The following COL14A1 variants were observed in gnomAD, a reference collection of about 807,000 sequenced individuals.
The protein encoded by COL14A1 is collagen alpha-1(XIV) chain.
In COL14A1, 136 loss-of-function variants were observed where a neutral mutation model predicts 230.3. The ratio of observed to expected loss-of-function variants is 0.59; its 90% confidence interval spans 0.51 to 0.68. The LOEUF (loss-of-function observed/expected upper bound fraction) is 0.68. COL14A1 is among the 30% of genes least tolerant of loss of function. The probability of loss-of-function intolerance (pLI) is 0.00; values close to 1 mark genes in which losing one functional copy is unlikely to be tolerated. For synonymous variants in COL14A1, 792 were observed against 784.1 expected, an observed-to-expected ratio of 1.01 and a Z score of -0.17; for missense variants, 1,976 against 2,215.8, an observed-to-expected ratio of 0.89 and a Z score of 2.17.
chr8:120,220,721 G>A (rs887686048), intron 14 of COL14A1, among the ~76,000 whole-genome samples: 2 of 151,944 alleles, frequency 1.3e-5, no homozygotes, highest in African/African-American at 4.8e-5. Context: ...GAAGAAAAAC[G>A]AAACAAGTAT....
intron 40 of COL14A1, among the ~76,000 whole-genome samples, chr8:120,326,767 C>T (rs534306302): frequency 8.3e-4 from 127 of 152,108 alleles, no homozygotes; most frequent in Non-Finnish European, 1.5e-3. Context: ...GGTTCATGCC[C>T]GTAATCCCAG....
intron 2 of COL14A1, among the ~76,000 whole-genome samples, chr8:120,157,412 A>G (rs1358557656): frequency 2.0e-5 from 3 of 152,220 alleles, no homozygotes; most frequent in Non-Finnish European, 4.4e-5. Flanking sequence ...ACCAAAGTGA[A>G]AAACCTAAGG....
rs539610718 is a variant in COL14A1, at chr8:120,264,802, C to A, written c.3016+1788C>A. On this transcript the variant is annotated intron_variant, in intron 24 of 47. Coordinates refer to ENST00000297848, the MANE Select transcript of COL14A1 (RefSeq NM_021110.4). ...AGTGCATGTGCGCTTAAGTTGGCTA[C>A]CACACCTTAATGTTCACGCTAAGTT... Among the ~76,000 whole-genome samples, 124 of 152,236 alleles carry A rather than the reference C, an allele frequency of 8.1e-4. 1 individual carries two copies. Among genetic ancestry groups the A allele is most frequent in the African/African-American group, 2.9e-3 (119 of 41,568 alleles).
intron 2 of COL14A1, 80 bp from the exon 3 acceptor site, chr8:120,158,050 A>G: frequency 1.4e-6 from 1 of 738,474 alleles, no homozygotes; most frequent in Non-Finnish European, 2.3e-6. Context: ...TATTTTTATT[A>G]TACTACTTTG....
At chr8:120,291,571 A>AC in intron 34 of COL14A1, among the ~76,000 whole-genome samples, 1 of 151,094 alleles carries the variant, frequency 6.6e-6, no homozygotes, top group Non-Finnish European at 1.5e-5. Context: ...AAAAAAAAAA[A>AC]AAAAAAAAAA....
intron 5 of COL14A1, among the ~76,000 whole-genome samples, chr8:120,186,633 A>G (rs993777640): frequency 6.6e-6 from 1 of 152,200 alleles, no homozygotes; most frequent in Non-Finnish European, 1.5e-5. Context: ...AATCTCCCTG[A>G]TTCCTAAATA....
At chr8:120,200,219 A>G (rs1156597052) in intron 8 of COL14A1, among the ~76,000 whole-genome samples, 1 of 152,052 alleles carries the variant, frequency 6.6e-6, no homozygotes, top group African/African-American at 2.4e-5. Flanking sequence ...CCCAAGCAAC[A>G]CTGAAACACA....
At chr8:120,288,983 A>C (rs1820290007) in intron 33 of COL14A1, among the ~76,000 whole-genome samples, 1 of 152,148 alleles carries the variant, frequency 6.6e-6, no homozygotes, top group Admixed American at 6.6e-5. Context: ...GACAGATTTT[A>C]CGAGTCCTTA....
intron 7 of COL14A1, among the ~76,000 whole-genome samples, chr8:120,198,205 T>C (rs900394299): frequency 1.3e-5 from 2 of 152,088 alleles, no homozygotes; most frequent in Non-Finnish European, 2.9e-5. Flanking sequence ...CTGTCTAACT[T>C]TTGTCAGCTA....
Position 120,305,021 on chromosome 8 carries a change from C to T in COL14A1, c.4401+4203C>T, listed in dbSNP as rs184778807. Among the ~76,000 whole-genome samples the T allele has an allele frequency of 3.0e-3, 457 of 151,628 alleles. 1 individual carries two copies. Among genetic ancestry groups the T allele is most frequent in the South Asian group, 4.8e-3 (23 of 4,794 alleles). On this transcript the variant is annotated intron_variant, in intron 36 of 47. Transcript: ENST00000297848. Reference sequence around the variant, plus strand: ...GAGACGGAGTTTTGCTCTTGTTGCCCGGGCTGGAGTGCAATGGCACAATCT... The same window carrying T: ...GAGACGGAGTTTTGCTCTTGTTGCCTGGGCTGGAGTGCAATGGCACAATCT...
chr8:120,161,927 A>C (rs1286435258), intron 3 of COL14A1, among the ~76,000 whole-genome samples: 1 of 152,212 alleles, frequency 6.6e-6, no homozygotes, highest in Non-Finnish European at 1.5e-5. Context: ...GGCCTCCTAA[A>C]GTGCAAGGAT....
At chr8:120,163,109 A>C (rs929840866) in intron 4 of COL14A1, among the ~76,000 whole-genome samples, 1 of 152,208 alleles carries the variant, frequency 6.6e-6, no homozygotes, top group African/African-American at 2.4e-5. Context: ...GGCTCTACTA[A>C]AACAGCCTAT....
chr8:120,177,556 G>T (rs1816319597), intron 5 of COL14A1, among the ~76,000 whole-genome samples: 2 of 150,026 alleles, frequency 1.3e-5, no homozygotes, highest in Admixed American at 1.3e-4. Context: ...GGCTGAGGCA[G>T]GAGAATTGCT....
intron 5 of COL14A1, among the ~76,000 whole-genome samples, chr8:120,195,392 C>T (rs926263717): frequency 5.3e-5 from 8 of 152,066 alleles, no homozygotes; most frequent in Middle Eastern, 3.2e-3. Flanking sequence ...CCCCTCTGCC[C>T]GCCACACACA....
At chr8:120,190,194 G>A (rs1402206026) in intron 5 of COL14A1, among the ~76,000 whole-genome samples, 1 of 152,024 alleles carries the variant, frequency 6.6e-6, no homozygotes, top group African/African-American at 2.4e-5. Flanking sequence ...GTGTGAGATG[G>A]TATCTCATTA....
intron 2 of COL14A1, among the ~76,000 whole-genome samples, chr8:120,149,152 T>C (rs1815189960): frequency 6.6e-6 from 1 of 152,262 alleles, no homozygotes; most frequent in South Asian, 2.1e-4. Context: ...TGATGAAATG[T>C]TATTTATCAG....
intron 33 of COL14A1, among the ~76,000 whole-genome samples, chr8:120,289,065 A>G (rs905951819): frequency 2.0e-5 from 3 of 152,168 alleles, no homozygotes; most frequent in African/African-American, 7.2e-5. Flanking sequence ...AGAAAAATGT[A>G]CCATACACTA....
chr8:120,126,204 G>C (rs1401942354), intron 1 of COL14A1, among the ~76,000 whole-genome samples: 1 of 152,226 alleles, frequency 6.6e-6, no homozygotes, highest in Non-Finnish European at 1.5e-5. Context: ...GCTGGGCTTC[G>C]GCGCATGGGG....
At chr8:120,301,472 G>A (rs1276161500) in intron 36 of COL14A1, among the ~76,000 whole-genome samples, 1 of 152,042 alleles carries the variant, frequency 6.6e-6, no homozygotes, top group East Asian at 1.9e-4. Context: ...TTCTGTTTCT[G>A]TGTTAGTTTC....
Sources: gnomAD v4.1 joint callset for allele counts (sites outside exome capture counted in the v4.1 genomes callset) on GRCh38, gnomAD v4.1.1 for gene constraint, MANE v1.5 for transcripts, NCBI Gene and HGNC (gene_info 2026-07-23, HGNC 2026-07-21) for gene names.